RAD50: variants seen among roughly 807,000 people sequenced by gnomAD.
The protein encoded by RAD50 is DNA repair protein RAD50.
Under a neutral mutation model 168.8 loss-of-function variants are expected in RAD50, and 132 were observed. The observed-to-expected ratio is 0.78, with a 90% confidence interval of 0.68 to 0.90. The LOEUF is 0.90. RAD50 is among the 40% of genes least tolerant of loss of function. The pLI, the probability that RAD50 is intolerant of heterozygous loss-of-function variation, is 0.00. For missense variants in RAD50, 1,347 were observed against 1,534.4 expected, an observed-to-expected ratio of 0.88 and a Z score of 2.04; for synonymous variants, 525 against 497.4, an observed-to-expected ratio of 1.06 and a Z score of -0.74.
chr5:132,588,026 G>C lies in RAD50; in HGVS notation c.988G>C (p.Glu330Gln), dbSNP rs748727841. ...ATTGGTAGACTGTCATCGTGAACTG[G>C]AAAAACTAAATAAAGAATCTAGGCT... is the stretch of plus-strand genomic sequence containing the variant. ...RKLVDCHREL[E>Q]KLNKESRLLN... Residue 330 changes from glutamate (E) to glutamine (Q), a missense_variant, in exon 7 of 25, where the codon GAA becomes CAA. Coordinates refer to ENST00000378823, the MANE Select transcript of RAD50 (RefSeq NM_005732.4). The C allele has an allele frequency of 1.2e-6, 2 of 1,612,494 alleles. No individual in the cohort carries two copies. The highest frequency in any genetic ancestry group is 2.2e-5 in the South Asian group (2 of 91,042).
chr5:132,624,086 A>G (rs1751330009), intron 21 of RAD50, among the ~76,000 whole-genome samples: 1 of 152,210 alleles, frequency 6.6e-6, no homozygotes, highest in African/African-American at 2.4e-5. Flanking sequence ...AACTTTTAAA[A>G]CAATTTTTTG....
intron 2 of RAD50, among the ~76,000 whole-genome samples, chr5:132,563,766 T>A (rs955012068): frequency 1.2e-4 from 19 of 152,228 alleles, no homozygotes; most frequent in Non-Finnish European, 2.6e-4. Context: ...CCAAATCTCA[T>A]GTCAAATTGT....
At chr5:132,619,874 A>ATCTT (rs1561651752) in intron 21 of RAD50, among the ~76,000 whole-genome samples, 1 of 110,382 alleles carries the variant, frequency 9.1e-6, no homozygotes, top group African/African-American at 3.3e-5. Context: ...ATATAAAGAT[A>ATCTT]TATATATATA....
In RAD50 at chr5:132,611,645, G is replaced by A. The variant is rs184177339; in HGVS notation, c.3036+2249G>A. On this transcript the variant is annotated intron_variant, in intron 19 of 24. Transcript: ENST00000378823. ...GGCGTGAACCTGGGAGGCAGAGCTT[G>A]CAGTGAGCCGAGATCGCACCACTGC... 1.1e-3 allele frequency among the ~76,000 whole-genome samples: 159 copies of A among 148,514 alleles called. No homozygotes were observed. In the East Asian group the frequency reaches 0.025, roughly 23 times the overall value.
rs1270318394 is a variant in RAD50, at chr5:132,643,951, A to AG, written c.*1588dup. On this transcript the variant is annotated 3_prime_UTR_variant, in exon 25 of 25. Coordinates refer to ENST00000378823, the MANE Select transcript of RAD50 (RefSeq NM_005732.4). ...ATAAAATTCAACATCTCCTAGCTTT[A>AG]GCAAACTCACAGTTTTGCAAATAAT... 4.4e-6 allele frequency: 1 copy of AG among 229,268 alleles called. No homozygotes were observed. The highest frequency in any genetic ancestry group is 2.2e-5 in the African/African-American group (1 of 45,128). 14.2% of individuals were successfully genotyped at this position (229,268 alleles called of 1,614,324 possible). A position where few individuals can be genotyped will look rare whatever the true frequency, so the allele number is the denominator to read the frequency against.
intron 2 of RAD50, among the ~76,000 whole-genome samples, chr5:132,570,985 A>G (rs935104626): frequency 1.3e-5 from 2 of 152,124 alleles, no homozygotes; most frequent in Non-Finnish European, 2.9e-5. Flanking sequence ...TAATTTCCAT[A>G]TTATTGTGTC....
rs864622474 is a variant in RAD50, at chr5:132,557,451, A to G, written c.127A>G (p.Thr43Ala). 4.3e-6 allele frequency: 7 copies of G among 1,614,146 alleles called. No individual in the cohort carries two copies. Among genetic ancestry groups the G allele is most frequent in the African/African-American group, 1.3e-5 (1 of 75,068 alleles). Residue 43 changes from threonine (T) to alanine (A), a missense_variant and splice_region_variant, in exon 1 of 25, where the codon ACG becomes GCG. By Grantham distance (58) the Thr-to-Ala change is moderately conservative. Transcript: ENST00000378823. ...GGTTGGACCCAATGGGGCGGGAAAG[A>G]CGGTAAGTCTTCAGTAGCCGCCTTC... ...ILVGPNGAGKTTIIECLKYIC... is the reference protein window; with the variant it reads ...ILVGPNGAGKATIIECLKYIC...
At chr5:132,573,417 A>G (rs1750341324) in intron 2 of RAD50, among the ~76,000 whole-genome samples, 1 of 152,154 alleles carries the variant, frequency 6.6e-6, no homozygotes, top group Admixed American at 6.5e-5. Context: ...CGTGAGACTT[A>G]CTATCATGAG....
chr5:132,631,212 C>T (rs1295359926), intron 21 of RAD50, among the ~76,000 whole-genome samples: 1 of 151,590 alleles, frequency 6.6e-6, no homozygotes, highest in Non-Finnish European at 1.5e-5. Flanking sequence ...CCTCCACCTC[C>T]CAGGTTCAAG....
chr5:132,635,033 A>T (rs1455390618), intron 21 of RAD50, among the ~76,000 whole-genome samples: 1 of 151,986 alleles, frequency 6.6e-6, no homozygotes, highest in East Asian at 1.9e-4. Flanking sequence ...TATACTTGGG[A>T]GCTAGGTGTG....
intron 5 of RAD50, among the ~76,000 whole-genome samples, chr5:132,582,062 T>A (rs981491635): frequency 2.6e-4 from 40 of 152,178 alleles, no homozygotes; most frequent in African/African-American, 8.9e-4. Flanking sequence ...TGGCCATGAC[T>A]TTTTTGATCA....
rs876658298 is a variant in RAD50 at position 132,603,422 on chromosome 5, C to T, written c.2330C>T (p.Thr777Ile). 6.2e-7 allele frequency: 1 copy of T among 1,613,872 alleles called. No individual in the cohort carries two copies. The change falls in exon 14 of 25, where the codon ACA becomes ATA. Residue 777 changes from threonine (T) to isoleucine (I), a missense_variant. Around this residue, in one of 3 missense-constraint regions of RAD50, gnomAD observed 635 missense variants for 739.2 expected, o/e 0.86. Transcript: ENST00000378823. ...DIEEQETLLG[T>I]IMPEEESAKV... ...GAAGAACAAGAAACACTCTTGGGTA[C>T]AATAATGCCTGAAGAAGAAAGTGCC...
chr5:132,626,626 A>G (rs915870635), intron 21 of RAD50, among the ~76,000 whole-genome samples: 1 of 152,210 alleles, frequency 6.6e-6, no homozygotes, highest in Non-Finnish European at 1.5e-5. Flanking sequence ...TCATTAAGAA[A>G]ACGTAGGTTT....
chr5:132,596,404 ACTGT>A (rs1750792814), intron 13 of RAD50, among the ~76,000 whole-genome samples: 2 of 152,296 alleles, frequency 1.3e-5, no homozygotes, highest in Admixed American at 1.3e-4. Flanking sequence ...CAGATTTAGG[ACTGT>A]CTGTTGACAT....
rs113266016 is a variant in RAD50, at chr5:132,558,617, G to A, written c.130-667G>A. Among the ~76,000 whole-genome samples, 322 of 151,616 alleles carry A rather than the reference G, an allele frequency of 2.1e-3. 3 individuals carry two copies. The highest frequency in any genetic ancestry group is 6.8e-3 in the African/African-American group (282 of 41,284). ...TCCTAGCTACTGGGGAGGCCGAGGCGGGAGAATCGCTTGAACCGGGGAGGT... is the reference window on the plus strand; with the variant it reads ...TCCTAGCTACTGGGGAGGCCGAGGCAGGAGAATCGCTTGAACCGGGGAGGT... On this transcript the variant is annotated intron_variant, in intron 1 of 24. Coordinates refer to ENST00000378823, the MANE Select transcript of RAD50 (RefSeq NM_005732.4).
chr5:132,571,925 A>G (rs1403195578), intron 2 of RAD50, among the ~76,000 whole-genome samples: 3 of 152,214 alleles, frequency 2.0e-5, no homozygotes, highest in Admixed American at 6.5e-5. Context: ...ACTTTTCAAA[A>G]TTATCAGTCA....
intron 16 of RAD50, among the ~76,000 whole-genome samples, chr5:132,605,600 C>T (rs1750971939): frequency 6.6e-6 from 1 of 152,138 alleles, no homozygotes; most frequent in Non-Finnish European, 1.5e-5. Context: ...CCTTGGCCTC[C>T]CAAAATTACA....
chr5:132,575,748 A>T (rs199867523), intron 2 of RAD50, 29 bp from the exon 3 acceptor site: 2 of 1,559,062 alleles, frequency 1.3e-6, no homozygotes, highest in African/African-American at 1.4e-5. Flanking sequence ...TTAAAGTAAC[A>T]TAAGTTTTTT....
rs114661226 is a variant in RAD50, at chr5:132,643,059, C to G, written c.*695C>G. ...CAGAGAGGAAATTCTCCACTGTGCACACCCACCTTTGGAAAGCTCTGACCA... is the reference window on the plus strand; with the variant it reads ...CAGAGAGGAAATTCTCCACTGTGCAGACCCACCTTTGGAAAGCTCTGACCA... On this transcript the variant is annotated 3_prime_UTR_variant, in exon 25 of 25. Coordinates refer to ENST00000378823, the MANE Select transcript of RAD50 (RefSeq NM_005732.4). The G allele has an allele frequency of 1.9e-6, 1 of 530,032 alleles. No individual in the cohort carries two copies. The highest frequency in any genetic ancestry group is 1.9e-5 in the African/African-American group (1 of 52,794). The allele number at this position is 530,032 out of a possible 1,614,324, so 32.8% of individuals were successfully genotyped here. A position where few individuals can be genotyped will look rare whatever the true frequency, so the allele number is the denominator to read the frequency against.
Sources: gnomAD v4.1 joint callset for allele counts (sites outside exome capture counted in the v4.1 genomes callset) on GRCh38, gnomAD v4.1.1 for gene constraint, gnomAD v4.1.1 regional missense constraint, MANE v1.5 for transcripts, NCBI Gene and HGNC (gene_info 2026-07-23, HGNC 2026-07-21) for gene names.